AHI1: variants seen among roughly 807,000 people sequenced by gnomAD.
AHI1 encodes the protein jouberin.
Under a neutral mutation model 149.3 loss-of-function variants are expected in AHI1, and 123 were observed. The observed-to-expected ratio is 0.82, with a 90% CI of 0.71 to 0.96. The LOEUF (loss-of-function observed/expected upper bound fraction) is 0.96. Ranked by LOEUF, AHI1 falls within the 40% of genes least tolerant of loss-of-function variation. The pLI, the probability that AHI1 is intolerant of heterozygous loss-of-function variation, is 0.00. For synonymous variants in AHI1, 475 were observed against 459.8 expected, an observed-to-expected ratio of 1.03 and a Z score of -0.42; for missense variants, 1,439 against 1,422.7, an observed-to-expected ratio of 1.01 and a Z score of -0.18.
At chr6:135,389,862 C>A (rs1165810722) in intron 23 of AHI1, among the ~76,000 whole-genome samples, 1 of 152,196 alleles carries the variant, frequency 6.6e-6, no homozygotes, top group Non-Finnish European at 1.5e-5. Context: ...CCCCTACCTA[C>A]CCATAACAGT....
rs1786312736 is a variant in AHI1 at position 135,318,505 on chromosome 6, TC to T, written c.3426+13del. 4 of 1,521,628 alleles carry T rather than the reference TC, an allele frequency of 2.6e-6. No homozygotes were observed. Among genetic ancestry groups the T allele is most frequent in the Non-Finnish European group, 3.6e-6 (4 of 1,112,548 alleles). The allele number at this position is 1,521,628 out of a possible 1,614,324, so 94.3% of individuals were successfully genotyped here. A position where few individuals can be genotyped will look rare whatever the true frequency, so the allele number is the denominator to read the frequency against. On this transcript the variant is annotated intron_variant, in intron 26 of 28. Transcript: ENST00000265602. ...CAAAGTACATATGTAATACGTATGC[TC>T]AAAAACATTTACCTTTTGAGGAGCT...
intron 24 of AHI1, among the ~76,000 whole-genome samples, chr6:135,349,716 T>A (rs1423220031): frequency 6.6e-6 from 1 of 152,240 alleles, no homozygotes; most frequent in Non-Finnish European, 1.5e-5. Context: ...ACTAGAGATG[T>A]GCTTCATTTT....
chr6:135,340,667 A>ATATATATATATG (rs1368231710), intron 24 of AHI1, among the ~76,000 whole-genome samples: 11 of 115,770 alleles, frequency 9.5e-5, no homozygotes, highest in Non-Finnish European at 1.7e-4. Context: ...ACATATATAT[A>ATATATATATATG]TATATATATA....
At chr6:135,415,253 G>A (rs1276735905) in intron 20 of AHI1, among the ~76,000 whole-genome samples, 1 of 151,986 alleles carries the variant, frequency 6.6e-6, no homozygotes, top group African/African-American at 2.4e-5. Context: ...TTCCTATTGT[G>A]AATAGTGCCG....
chr6:135,482,628 T>C (rs1417424387), intron 5 of AHI1, among the ~76,000 whole-genome samples: 1 of 152,104 alleles, frequency 6.6e-6, no homozygotes, highest in East Asian at 1.9e-4. Flanking sequence ...ATTTGGTCTT[T>C]GAAAATATGT....
chr6:135,310,026 T>C (rs865911801), intron 26 of AHI1, among the ~76,000 whole-genome samples: 1 of 152,192 alleles, frequency 6.6e-6, no homozygotes, highest in Non-Finnish European at 1.5e-5. Flanking sequence ...TATTATTCTT[T>C]AGCAATAGAA....
At chr6:135,443,066 G>C (rs2128047286) in intron 13 of AHI1, among the ~76,000 whole-genome samples, 1 of 152,284 alleles carries the variant, frequency 6.6e-6, no homozygotes, top group East Asian at 1.9e-4. Context: ...GCACTAGTAA[G>C]TCACTTTTGT....
chr6:135,466,721 T>G (rs904838572), intron 6 of AHI1, among the ~76,000 whole-genome samples: 1 of 152,200 alleles, frequency 6.6e-6, no homozygotes, highest in Non-Finnish European at 1.5e-5. Context: ...TTCGAGAAAT[T>G]GCTAAAAGAG....
chr6:135,376,881 C>CAAAAA lies in AHI1; in HGVS notation c.3109+17890_3109+17894dup, dbSNP rs1167083326. Among the ~76,000 whole-genome samples, 51 of 29,438 alleles carry CAAAAA rather than the reference C, an allele frequency of 1.7e-3. 9 individuals carry two copies. The highest frequency in any genetic ancestry group is 5.4e-3 in the African/African-American group (34 of 6,240). The allele number at this position is 29,438 out of a possible 152,430, so 19.3% of individuals were successfully genotyped here. On this transcript the variant is annotated intron_variant, in intron 23 of 28. Coordinates refer to ENST00000265602, the MANE Select transcript of AHI1 (RefSeq NM_001134831.2). ...TCGGTGACAGAGCGAGACTCCATCTCAAAAAAAAAAAAAAAAAAAAAAAAA... is the reference window on the plus strand; with the variant it reads ...TCGGTGACAGAGCGAGACTCCATCTCAAAAAAAAAAAAAAAAAAAAAAAAAAAAAA...
At chr6:135,402,064 T>C (rs893213847) in intron 22 of AHI1, among the ~76,000 whole-genome samples, 7 of 152,044 alleles carry the variant, frequency 4.6e-5, no homozygotes, top group Non-Finnish European at 7.4e-5. Flanking sequence ...ACAAATGGCA[T>C]ATAAAAAACG....
intron 10 of AHI1, 142 bp downstream of exon 10, chr6:135,455,592 G>A: frequency 1.7e-6 from 1 of 591,532 alleles, no homozygotes; most frequent in Non-Finnish European, 2.8e-6. Flanking sequence ...TGATTCCACA[G>A]CATTGGAAAA....
At chr6:135,379,751 T>A (rs1192773123) in intron 23 of AHI1, among the ~76,000 whole-genome samples, 1 of 152,146 alleles carries the variant, frequency 6.6e-6, no homozygotes, top group Non-Finnish European at 1.5e-5. Flanking sequence ...CCTTGTTCCC[T>A]CCAATCTAGC....
At chr6:135,389,085 C>G (rs779331645) in intron 23 of AHI1, among the ~76,000 whole-genome samples, 5 of 151,620 alleles carry the variant, frequency 3.3e-5, no homozygotes, top group Admixed American at 2.6e-4. Context: ...CCAAGGTGGG[C>G]GGATCACGAG....
intron 24 of AHI1, among the ~76,000 whole-genome samples, chr6:135,329,973 C>T (rs186613847): frequency 2.6e-5 from 4 of 152,322 alleles, no homozygotes; most frequent in East Asian, 3.9e-4. Flanking sequence ...AGCCTGAACA[C>T]GTGACTGAAT....
Position 135,318,615 on chromosome 6 carries a change from T to A in AHI1, c.3330A>T (p.Thr1110=), listed in dbSNP as rs773514922. 1 of 1,591,820 alleles carries A rather than the reference T, an allele frequency of 6.3e-7. No individual in the cohort carries two copies. The highest frequency in any genetic ancestry group is 1.7e-4 in the Middle Eastern group (1 of 6,002). ...YFPANHVASE[T]LYQELPPEIK... is the part of the protein sequence containing the mutation. ...TCTCAGGAGGCAGTTCTTGATACAG[T>A]GCTGAAATTGGAAAAAGGAATTCAT... Residue 1110 remains threonine (T), a splice_region_variant and synonymous_variant, in exon 26 of 29, where the codon ACA becomes ACT. Transcript: ENST00000265602.
At position 135,466,173 on chromosome 6, in the gene AHI1, T is replaced by G; in HGVS notation, c.390A>C (p.Ile130=). ...DKQGKPNKKV[I]KTVPQLTTQD... is the part of the protein sequence containing the mutation. ...GTGTAGTCAACTGGGGCACCGTCTT[T>G]ATCACCTTTTTATTTGGCTTTCCTT... The change falls in exon 7 of 29, where the codon ATA becomes ATC. Residue 130 remains isoleucine (I), a synonymous_variant. Transcript: ENST00000265602. 1 of 1,613,920 alleles carries G rather than the reference T, an allele frequency of 6.2e-7. No individual in the cohort carries two copies.
At chr6:135,380,744 C>CCAAAAA (rs1562623965) in intron 23 of AHI1, among the ~76,000 whole-genome samples, 1 of 100,462 alleles carries the variant, frequency 1.0e-5, no homozygotes, top group Non-Finnish European at 1.9e-5. Context: ...CCCCCCCCCC[C>CCAAAAA]AAAAAAAAAG....
intron 20 of AHI1, among the ~76,000 whole-genome samples, chr6:135,422,998 T>G (rs1197074454): frequency 1.3e-5 from 2 of 152,174 alleles, no homozygotes; most frequent in South Asian, 4.1e-4. Flanking sequence ...ACTGAGAACA[T>G]GGACTCTGGA....
At chr6:135,336,542 G>A (rs551196415) in intron 24 of AHI1, among the ~76,000 whole-genome samples, 1 of 152,316 alleles carries the variant, frequency 6.6e-6, no homozygotes, top group South Asian at 2.1e-4. Flanking sequence ...AGGCTGCAGT[G>A]AGCTGAGATC....
Sources: gnomAD v4.1 joint callset for allele counts (sites outside exome capture counted in the v4.1 genomes callset) on GRCh38, gnomAD v4.1.1 for gene constraint, MANE v1.5 for transcripts, NCBI Gene and HGNC (gene_info 2026-07-23, HGNC 2026-07-21) for gene names.